Variants in TESC observed in about 807,000 individuals in gnomAD.
The protein encoded by TESC is calcineurin B homologous protein 3.
TESC carries 19 observed loss-of-function variants against 31.0 expected under a neutral mutation model. The ratio of observed to expected loss-of-function variants is 0.61; its 90% CI spans 0.43 to 0.90. TESC has a LOEUF of 0.90. TESC is among the 40% of genes least tolerant of loss of function. The pLI, the probability that TESC is intolerant of heterozygous loss-of-function variation, is 0.00. For missense variants in TESC, 248 were observed against 303.8 expected (o/e 0.82, Z 1.36); for synonymous variants, 109 against 114.8 (o/e 0.95, Z 0.32).
At chr12:117,076,481 G>C (rs1955075628) in intron 1 of TESC, among the ~76,000 whole-genome samples, 1 of 152,210 alleles carries the variant, frequency 6.6e-6, no homozygotes, top group African/African-American at 2.4e-5. Flanking sequence ...GTCACACTCT[G>C]TCGCCCAGGC....
At chr12:117,057,251 G>A (rs144658235) in intron 2 of TESC, among the ~76,000 whole-genome samples, 172 of 152,028 alleles carry the variant, frequency 1.1e-3, no homozygotes, top group African/African-American at 3.9e-3. Flanking sequence ...GATGCACGCC[G>A]CCATGCTTAG....
At chr12:117,072,521 C>T (rs552139667) in intron 2 of TESC, among the ~76,000 whole-genome samples, 1 of 152,334 alleles carries the variant, frequency 6.6e-6, no homozygotes, top group South Asian at 2.1e-4. Flanking sequence ...TACAGTTGGA[C>T]TCCGAAGCCT....
In TESC at chr12:117,075,869, ATG is replaced by A. The variant is rs869236765; in HGVS notation, c.59-531_59-530del. On this transcript the variant is annotated intron_variant, in intron 1 of 7. Coordinates refer to ENST00000335209, the MANE Select transcript of TESC (RefSeq NM_017899.4). ...TGTGTATATATATATATATATATATATGTGTGTATATATATATATATATATAT... is the reference window on the plus strand; with the variant it reads ...TGTGTATATATATATATATATATATATGTGTATATATATATATATATATAT... Among the ~76,000 whole-genome samples, 3 of 31,450 alleles carry A rather than the reference ATG, an allele frequency of 9.5e-5. No homozygotes were observed. In the South Asian group the frequency reaches 5.4e-3, roughly 56 times the overall value. The allele number at this position is 31,450 out of a possible 152,430, so 20.6% of individuals were successfully genotyped here. A position where few individuals can be genotyped will look rare whatever the true frequency, so the allele number is the denominator to read the frequency against.
intron 2 of TESC, among the ~76,000 whole-genome samples, chr12:117,058,765 C>CA (rs1479341986): frequency 7.3e-6 from 1 of 136,712 alleles, no homozygotes; most frequent in African/African-American, 2.8e-5. Flanking sequence ...AAAAAAAAGG[C>CA]AAAAAAAGCT....
intron 1 of TESC, among the ~76,000 whole-genome samples, chr12:117,090,109 T>C (rs184645781): frequency 8.3e-4 from 125 of 151,170 alleles, no homozygotes; most frequent in Admixed American, 3.9e-3. Context: ...CATGCATGCC[T>C]GCAAAATAAC....
chr12:117,093,418 ACT>A (rs1955342233), intron 1 of TESC, among the ~76,000 whole-genome samples: 1 of 151,868 alleles, frequency 6.6e-6, no homozygotes. Context: ...ATGGAATCCG[ACT>A]CTCTTTTTTT....
At chr12:117,070,423 AGGCTG>A (rs1436484545) in intron 2 of TESC, among the ~76,000 whole-genome samples, 2 of 152,148 alleles carry the variant, frequency 1.3e-5, no homozygotes, top group Non-Finnish European at 2.9e-5. Flanking sequence ...TCCTTCCTGC[AGGCTG>A]GGCTGGGGCT....
At chr12:117,071,426 A>G (rs1205791940) in intron 2 of TESC, among the ~76,000 whole-genome samples, 1 of 149,346 alleles carries the variant, frequency 6.7e-6, no homozygotes, top group Non-Finnish European at 1.5e-5. Context: ...GCACCCCCAG[A>G]AGGAGGCTGT....
intron 7 of TESC, among the ~76,000 whole-genome samples, chr12:117,040,032 C>T (rs1954459142): frequency 6.6e-6 from 1 of 152,186 alleles, no homozygotes; most frequent in South Asian, 2.1e-4. Flanking sequence ...CACTGCTTCC[C>T]GCTTATGTAA....
In TESC at chr12:117,069,110, TC is replaced by T. The variant is rs1375167064; in HGVS notation, c.128+6160del. Reference sequence around the variant, plus strand: ...TAGATAGAAATTCCTTTTTTTTTTTTCTTTTCTATTCAGGCATTTTGCCGAG... The same window carrying T: ...TAGATAGAAATTCCTTTTTTTTTTTTTTTTCTATTCAGGCATTTTGCCGAG... On this transcript the variant is annotated intron_variant, in intron 2 of 7. Transcript: ENST00000335209. Among the ~76,000 whole-genome samples the T allele has an allele frequency of 1.8e-4, 27 of 151,890 alleles. 1 individual carries two copies. Among genetic ancestry groups the T allele is most frequent in the African/African-American group, 6.5e-4 (27 of 41,348 alleles).
chr12:117,062,405 A>G lies in TESC; in HGVS notation c.129-5519T>C, dbSNP rs188463226. ...CCCAGCTAATTTTTGTATTTTTAGT[A>G]GAGATGGGGTTTCACCATGTTGGCC... On this transcript the variant is annotated intron_variant, in intron 2 of 7. Transcript: ENST00000335209. Among the ~76,000 whole-genome samples the G allele has an allele frequency of 2.1e-3, 320 of 152,160 alleles. 3 individuals are homozygous for G. Among genetic ancestry groups the G allele is most frequent in the African/African-American group, 7.3e-3 (305 of 41,498 alleles).
At chr12:117,069,531 C>T (rs900343398) in intron 2 of TESC, among the ~76,000 whole-genome samples, 1 of 112,196 alleles carries the variant, frequency 8.9e-6, no homozygotes, top group Non-Finnish European at 2.2e-5. Flanking sequence ...AGCCACTGCG[C>T]CCGGCCAACA....
At chr12:117,092,852 G>C (rs1034801436) in intron 1 of TESC, among the ~76,000 whole-genome samples, 6 of 152,182 alleles carry the variant, frequency 3.9e-5, no homozygotes, top group African/African-American at 1.2e-4. Context: ...TTTTCTTACT[G>C]AGGCATGATT....
rs113613237 is a variant in TESC at position 117,066,586 on chromosome 12, C to T, written c.128+8685G>A. Among the ~76,000 whole-genome samples the T allele has an allele frequency of 6.7e-3, 1,024 of 152,104 alleles. 11 individuals are homozygous for T. The highest frequency in any genetic ancestry group is 0.022 in the African/African-American group (930 of 41,464). ...TTCACTGTGTTAGCCAGGATGGTCTCGATCTCCTGACCTCGTGATCCGCCC... is the reference window on the plus strand; with the variant it reads ...TTCACTGTGTTAGCCAGGATGGTCTTGATCTCCTGACCTCGTGATCCGCCC... On this transcript the variant is annotated intron_variant, in intron 2 of 7. Coordinates refer to ENST00000335209, the MANE Select transcript of TESC (RefSeq NM_017899.4).
chr12:117,077,893 G>C (rs1224197092), intron 1 of TESC, among the ~76,000 whole-genome samples: 1 of 152,034 alleles, frequency 6.6e-6, no homozygotes, highest in Non-Finnish European at 1.5e-5. Context: ...AAACCTCAAA[G>C]AGCTGTCTGT....
chr12:117,069,678 C>T (rs574983593), intron 2 of TESC, among the ~76,000 whole-genome samples: 23 of 152,290 alleles, frequency 1.5e-4, no homozygotes, highest in Non-Finnish European at 3.2e-4. Context: ...AGAGATGGGA[C>T]CAGGCCCAAC....
intron 3 of TESC, 116 bp downstream of exon 3, chr12:117,056,690 C>G (rs1226414786): frequency 8.8e-7 from 1 of 1,131,724 alleles, no homozygotes; most frequent in African/African-American, 1.5e-5. Flanking sequence ...CCCTACCCAG[C>G]TTGGCCCCCT....
intron 1 of TESC, among the ~76,000 whole-genome samples, chr12:117,091,228 T>C (rs988154222): frequency 6.6e-6 from 1 of 152,190 alleles, no homozygotes; most frequent in South Asian, 2.1e-4. Flanking sequence ...GCCCTCACCC[T>C]GTACAGTCAC....
intron 7 of TESC, among the ~76,000 whole-genome samples, chr12:117,039,943 C>T (rs1304715358): frequency 6.6e-6 from 1 of 152,258 alleles, no homozygotes; most frequent in Non-Finnish European, 1.5e-5. Flanking sequence ...CTTAGCAAGT[C>T]AGGGCCCACG....
Sources: allele counts gnomAD v4.1 joint callset (sites outside exome capture counted in the v4.1 genomes callset), GRCh38; gene constraint gnomAD v4.1.1; transcripts MANE v1.5; gene names NCBI Gene and HGNC (gene_info 2026-07-23, HGNC 2026-07-21).